Variants in NUBPL observed in about 807,000 individuals in gnomAD.
NUBPL encodes the protein NUBP iron-sulfur cluster assembly factor, mitochondrial.
A neutral mutation model predicts 45.7 loss-of-function variants in NUBPL; 31 were observed. The ratio of observed to expected loss-of-function variants is 0.68; its 90% CI spans 0.51 to 0.92. NUBPL has a LOEUF of 0.92. Ranked by LOEUF, NUBPL falls within the 40% of genes least tolerant of loss-of-function variation. The pLI is 0.00. For synonymous variants in NUBPL, 144 were observed against 140.9 expected, an observed-to-expected ratio of 1.02 and a Z score of -0.15; for missense variants, 401 against 398.7, an observed-to-expected ratio of 1.01 and a Z score of -0.05.
chr14:31,640,565 A>G (rs536461317), intron 4 of NUBPL, among the ~76,000 whole-genome samples: 1 of 151,636 alleles, frequency 6.6e-6, no homozygotes, highest in South Asian at 2.1e-4. Context: ...CAGTGAGTTA[A>G]GATCACACCA....
At chr14:31,834,400 C>T (rs995517789) in intron 8 of NUBPL, among the ~76,000 whole-genome samples, 9 of 151,942 alleles carry the variant, frequency 5.9e-5, no homozygotes, top group African/African-American at 9.7e-5. Flanking sequence ...AGGATGGTCT[C>T]GATCTCCTGA....
intron 6 of NUBPL, among the ~76,000 whole-genome samples, chr14:31,729,647 T>C (rs2038007107): frequency 6.6e-6 from 1 of 152,176 alleles, no homozygotes; most frequent in African/African-American, 2.4e-5. Context: ...ACTTGATTTT[T>C]ATGTATTTTT....
chr14:31,577,121 G>T (rs970296386), intron 3 of NUBPL, among the ~76,000 whole-genome samples: 3 of 152,140 alleles, frequency 2.0e-5, no homozygotes, highest in Admixed American at 6.5e-5. Context: ...GATGGGAGGG[G>T]TATCAAAAGC....
intron 4 of NUBPL, among the ~76,000 whole-genome samples, chr14:31,618,578 G>A (rs113424110): frequency 1.3e-5 from 2 of 152,160 alleles, no homozygotes; most frequent in Non-Finnish European, 2.9e-5. Flanking sequence ...TTTCCATGTA[G>A]TTGTGCAGTT....
At chr14:31,727,693 T>A (rs1182531724) in intron 6 of NUBPL, among the ~76,000 whole-genome samples, 1 of 152,232 alleles carries the variant, frequency 6.6e-6, no homozygotes, top group Non-Finnish European at 1.5e-5. Context: ...AGTTTGTACG[T>A]CTTGACTCCC....
At chr14:31,605,063 A>G (rs1047365197) in intron 4 of NUBPL, among the ~76,000 whole-genome samples, 4 of 152,256 alleles carry the variant, frequency 2.6e-5, no homozygotes, top group African/African-American at 9.6e-5. Context: ...TGGAGAAACC[A>G]GCATCTAAGC....
intron 3 of NUBPL, among the ~76,000 whole-genome samples, chr14:31,566,878 G>A (rs969305497): frequency 2.0e-5 from 3 of 152,158 alleles, no homozygotes; most frequent in African/African-American, 7.2e-5. Flanking sequence ...TCAGCTTCCA[G>A]AAGCTTGAAA....
intron 7 of NUBPL, among the ~76,000 whole-genome samples, chr14:31,805,940 C>T (rs1044510576): frequency 2.6e-5 from 4 of 152,142 alleles, no homozygotes; most frequent in African/African-American, 9.7e-5. Context: ...GCATTTCCTT[C>T]ATGATATGCC....
intron 4 of NUBPL, among the ~76,000 whole-genome samples, chr14:31,636,482 A>AT (rs1023201354): frequency 1.1e-4 from 15 of 138,836 alleles, no homozygotes; most frequent in African/African-American, 4.9e-4. Context: ...GTGCTGCTGG[A>AT]TTGGTTTGCC....
intron 4 of NUBPL, among the ~76,000 whole-genome samples, chr14:31,650,006 T>A (rs60326994): frequency 0.034 from 5,142 of 151,476 alleles, 197 homozygotes; most frequent in African/African-American, 0.095. Context: ...ATTACAGACA[T>A]GTGCCACCAT....
At chr14:31,724,265 T>C (rs982540211) in intron 6 of NUBPL, among the ~76,000 whole-genome samples, 2 of 152,222 alleles carry the variant, frequency 1.3e-5, no homozygotes, top group Non-Finnish European at 2.9e-5. Context: ...AATGCCTCAC[T>C]GTTAACATTT....
chr14:31,640,963 T>C (rs1296088103), intron 4 of NUBPL, among the ~76,000 whole-genome samples: 2 of 65,200 alleles, frequency 3.1e-5, no homozygotes, highest in Non-Finnish European at 1.1e-4. Flanking sequence ...GTTTTTCTTT[T>C]TGTTTTTGAG....
chr14:31,787,147 G>T (rs1299414378), intron 6 of NUBPL, among the ~76,000 whole-genome samples: 1 of 152,146 alleles, frequency 6.6e-6, no homozygotes, highest in East Asian at 1.9e-4. Flanking sequence ...AGAGACTAGG[G>T]ACTCAGAAGG....
At position 31,597,216 on chromosome 14, in the gene NUBPL, A is replaced by G. The variant is rs550847340; in HGVS notation, c.292-2073A>G. ...GTCTCTTAGAGTACGTAGAGAGCCTAATATGTAGAATATTGTCAGTTAGTG... is the reference window on the plus strand; with the variant it reads ...GTCTCTTAGAGTACGTAGAGAGCCTGATATGTAGAATATTGTCAGTTAGTG... On this transcript the variant is annotated intron_variant, in intron 3 of 10. Transcript: ENST00000281081. 3.9e-4 allele frequency among the ~76,000 whole-genome samples: 60 copies of G among 152,288 alleles called. 2 individuals are homozygous for G. The highest frequency in any genetic ancestry group is 6.8e-3 in the Middle Eastern group (2 of 294).
intron 8 of NUBPL, chr14:31,844,339 G>T (rs1259227938): frequency 6.6e-6 from 1 of 152,094 alleles, no homozygotes; most frequent in East Asian, 1.9e-4. Flanking sequence ...TACAGTCAGG[G>T]GATATATCAC....
At chr14:31,645,241 A>G (rs1016975441) in intron 4 of NUBPL, among the ~76,000 whole-genome samples, 6 of 151,402 alleles carry the variant, frequency 4.0e-5, no homozygotes, top group African/African-American at 9.7e-5. Context: ...AATTTTTTGT[A>G]TTTTTTAGTA....
rs555531641 is a variant in NUBPL, at chr14:31,682,659, A to G, written c.513+9085A>G. On this transcript the variant is annotated intron_variant, in intron 6 of 10. Coordinates refer to ENST00000281081, the MANE Select transcript of NUBPL (RefSeq NM_025152.3). ...TAAATTCTCCATTAGGTCCTTAGCT[A>G]TCTATCCCTCTTGGTATTATTATTC... 5.3e-5 allele frequency among the ~76,000 whole-genome samples: 8 copies of G among 152,234 alleles called. No individual in the cohort carries two copies. In the East Asian group the frequency reaches 1.5e-3, roughly 29 times the overall value.
intron 6 of NUBPL, among the ~76,000 whole-genome samples, chr14:31,743,896 A>G (rs2140004304): frequency 6.6e-6 from 1 of 152,358 alleles, no homozygotes; most frequent in South Asian, 2.1e-4. Context: ...AGCAGTTAAC[A>G]AATGAAAGAG....
intron 4 of NUBPL, among the ~76,000 whole-genome samples, chr14:31,648,584 T>G (rs1208049484): frequency 6.6e-6 from 1 of 152,260 alleles, no homozygotes; most frequent in African/African-American, 2.4e-5. Flanking sequence ...TTGAAACCTT[T>G]CAGACATATC....
Sources: gnomAD v4.1 joint callset for allele counts (sites outside exome capture counted in the v4.1 genomes callset) on GRCh38, gnomAD v4.1.1 for gene constraint, MANE v1.5 for transcripts, NCBI Gene and HGNC (gene_info 2026-07-23, HGNC 2026-07-21) for gene names.